Variants in OIP5 observed in about 807,000 individuals in gnomAD.
OIP5 encodes the protein Opa interacting protein 5.
Under a neutral mutation model 20.3 loss-of-function variants are expected in OIP5, and 24 were observed. The observed-to-expected ratio is 1.18, with a 90% CI of 0.86 to 1.66. The LOEUF (loss-of-function observed/expected upper bound fraction) is 1.66. OIP5 is among the 40% of genes most tolerant of loss of function. The pLI is 0.00. For synonymous variants in OIP5, 143 were observed against 121.3 expected (o/e 1.18, Z -1.17); for missense variants, 339 against 289.5 (o/e 1.17, Z -1.24).
chr15:41,332,577 G>A lies in OIP5; in HGVS notation c.-16C>T. ...GAGCCGCCATCTTCCCGCAGCCGGC[G>A]CCTTCCTTTCGAATACACGCCAGGC... On this transcript the variant is annotated 5_prime_UTR_variant, in exon 1 of 5. Transcript: ENST00000220514. 3 of 1,587,220 alleles carry A rather than the reference G, an allele frequency of 1.9e-6. No homozygotes were observed. Among genetic ancestry groups the A allele is most frequent in the Non-Finnish European group, 2.6e-6 (3 of 1,167,250 alleles).
intron 3 of OIP5, among the ~76,000 whole-genome samples, chr15:41,318,404 C>A (rs1195602311): frequency 6.6e-6 from 1 of 152,118 alleles, no homozygotes; most frequent in Non-Finnish European, 1.5e-5. Context: ...TCAGGTGAAC[C>A]CCCGACCTCA....
At chr15:41,322,173 C>T (rs2047834574) in intron 2 of OIP5, among the ~76,000 whole-genome samples, 2 of 152,138 alleles carry the variant, frequency 1.3e-5, no homozygotes, top group Non-Finnish European at 1.5e-5. Flanking sequence ...CAGTGGTTCA[C>T]ACCTACTGTA....
At position 41,321,330 on chromosome 15, in the gene OIP5, C is replaced by G. The variant is rs890919336; in HGVS notation, c.390-1550G>C. Among the ~76,000 whole-genome samples the G allele has an allele frequency of 6.0e-5, 9 of 151,196 alleles. No individual in the cohort carries two copies. In the East Asian group the frequency reaches 1.8e-3, roughly 30 times the overall value. On this transcript the variant is annotated intron_variant, in intron 2 of 4. Transcript: ENST00000220514. ...GGTCAGCCCCCCGCCCGGCCAGCCG[C>G]CCCGTCCGCGAGGTGATGGGCGCCT...
intron 2 of OIP5, among the ~76,000 whole-genome samples, chr15:41,330,259 C>A (rs1329854864): frequency 6.6e-6 from 1 of 151,590 alleles, no homozygotes; most frequent in African/African-American, 2.4e-5. Context: ...GCCACCATGC[C>A]CGGCTAATTT....
At chr15:41,321,493 T>C (rs1328020987) in intron 2 of OIP5, among the ~76,000 whole-genome samples, 1 of 152,090 alleles carries the variant, frequency 6.6e-6, no homozygotes, top group Non-Finnish European at 1.5e-5. Context: ...GGGGGAAAGG[T>C]GGGGAAAAGA....
In OIP5 at chr15:41,309,629, G is replaced by C; in HGVS notation, c.*125C>G. The C allele has an allele frequency of 3.3e-6, 2 of 608,798 alleles. No homozygotes were observed. Among genetic ancestry groups the C allele is most frequent in the African/African-American group, 1.9e-5 (1 of 52,868 alleles). 37.7% of individuals were successfully genotyped at this position (608,798 alleles called of 1,614,324 possible). On this transcript the variant is annotated 3_prime_UTR_variant, in exon 5 of 5. Coordinates refer to ENST00000220514, the MANE Select transcript of OIP5 (RefSeq NM_007280.2). ...AAATAATTTGGAAAATCAGCCTAAA[G>C]GTAAATAGAAACTGCATTTCCCCTC...
chr15:41,326,226 A>G (rs59850482), intron 2 of OIP5, among the ~76,000 whole-genome samples: 2,310 of 152,306 alleles, frequency 0.015, 71 homozygotes, highest in African/African-American at 0.053. Flanking sequence ...ATTTTATTGA[A>G]TATTACTATA....
intron 2 of OIP5, among the ~76,000 whole-genome samples, chr15:41,323,920 T>C (rs1394303947): frequency 6.6e-6 from 1 of 152,132 alleles, no homozygotes; most frequent in African/African-American, 2.4e-5. Context: ...CAGTACTTGC[T>C]GTTTCACTTT....
At chr15:41,324,949 G>T (rs1180776402) in intron 2 of OIP5, among the ~76,000 whole-genome samples, 1 of 152,102 alleles carries the variant, frequency 6.6e-6, no homozygotes, top group Non-Finnish European at 1.5e-5. Context: ...GGCCTGAGAA[G>T]GCAAGACTGA....
intron 3 of OIP5, among the ~76,000 whole-genome samples, chr15:41,319,154 C>T (rs2047806544): frequency 6.6e-6 from 1 of 151,478 alleles, no homozygotes; most frequent in South Asian, 2.1e-4. Flanking sequence ...CACTGTGCAA[C>T]CTCCACCTCT....
At chr15:41,324,368 C>T (rs900561599) in intron 2 of OIP5, among the ~76,000 whole-genome samples, 10 of 152,080 alleles carry the variant, frequency 6.6e-5, no homozygotes, top group Non-Finnish European at 1.5e-4. Context: ...AGAGTTAGGG[C>T]CTTGTTCTGG....
At chr15:41,309,944 A>C in intron 4 of OIP5, 95 bp from the exon 5 acceptor site, 1 of 756,104 alleles carries the variant, frequency 1.3e-6, no homozygotes, top group Non-Finnish European at 2.1e-6. Flanking sequence ...GCTGGAGTAC[A>C]GTGGCACATT....
At chr15:41,317,948 A>C (rs1257774294) in intron 3 of OIP5, among the ~76,000 whole-genome samples, 1 of 151,520 alleles carries the variant, frequency 6.6e-6, no homozygotes, top group Admixed American at 6.6e-5. Context: ...CAAAGTGCTG[A>C]GATTACAGGC....
At chr15:41,319,224 T>TA (rs1344342104) in intron 3 of OIP5, among the ~76,000 whole-genome samples, 1 of 151,430 alleles carries the variant, frequency 6.6e-6, no homozygotes, top group Non-Finnish European at 1.5e-5. Flanking sequence ...AGGTGTGCAC[T>TA]AGCATGCCCA....
intron 3 of OIP5, 107 bp from the exon 4 acceptor site, chr15:41,313,461 TAATGATTTTC>T: frequency 1.6e-6 from 1 of 633,334 alleles, no homozygotes; most frequent in Non-Finnish European, 2.7e-6. Context: ...CCTGGCTTCT[TAATGATTTTC>T]ATTTCAAGAC....
intron 2 of OIP5, among the ~76,000 whole-genome samples, chr15:41,328,837 A>C (rs1174535213): frequency 6.6e-6 from 1 of 152,106 alleles, no homozygotes; most frequent in Non-Finnish European, 1.5e-5. Flanking sequence ...AGGCAGGTGG[A>C]TCACAAGGTC....
chr15:41,330,622 C>G (rs1397122284), intron 2 of OIP5, among the ~76,000 whole-genome samples: 1 of 151,972 alleles, frequency 6.6e-6, no homozygotes, highest in African/African-American at 2.4e-5. Flanking sequence ...TCAGGATGGT[C>G]TCGATTTCCT....
chr15:41,331,753 C>T (rs1367071620), intron 2 of OIP5, among the ~76,000 whole-genome samples, 162 bp downstream of exon 2: 2 of 152,106 alleles, frequency 1.3e-5, no homozygotes, highest in East Asian at 3.9e-4. Flanking sequence ...AAAACCAATA[C>T]ACAAATACAA....
intron 2 of OIP5, among the ~76,000 whole-genome samples, chr15:41,321,932 T>A (rs559308049): frequency 1.1e-4 from 16 of 149,362 alleles, no homozygotes; most frequent in South Asian, 6.3e-4. Context: ...AAAAAATAAA[T>A]AAATAAATAA....
Sources: gnomAD v4.1 joint callset for allele counts (sites outside exome capture counted in the v4.1 genomes callset) on GRCh38, gnomAD v4.1.1 for gene constraint, MANE v1.5 for transcripts, NCBI Gene and HGNC (gene_info 2026-07-23, HGNC 2026-07-21) for gene names.